The following PCDHGA4 variants were observed in gnomAD, a reference collection of about 807,000 sequenced individuals.
PCDHGA4 encodes the protein protocadherin gamma subfamily A, 4.
In PCDHGA4, 38 loss-of-function variants were observed where a neutral mutation model predicts 54.6. The ratio of observed to expected loss-of-function variants is 0.70; its 90% CI spans 0.54 to 0.91. The LOEUF is 0.91. Among genes scored for constraint, PCDHGA4 ranks in the 40% least tolerant of loss-of-function variants. The probability of loss-of-function intolerance (pLI) is 0.00; values close to 1 mark genes in which losing one functional copy is unlikely to be tolerated. For missense variants in PCDHGA4, 1,298 were observed against 1,220.9 expected (o/e 1.06, Z -0.94); for synonymous variants, 511 against 512.9 (o/e 1.00, Z 0.05).
At chr5:141,404,465 G>C in intron 1 of PCDHGA4, 1 of 1,613,516 alleles carries the variant, frequency 6.2e-7, no homozygotes, top group Non-Finnish European at 8.5e-7. Flanking sequence ...CTCCACCTAT[G>C]TCTCTATTAA....
At chr5:141,385,566 C>T in intron 1 of PCDHGA4, 1 of 1,303,468 alleles carries the variant, frequency 7.7e-7, no homozygotes, top group Non-Finnish European at 9.7e-7. Context: ...TAATTTCCAC[C>T]TACTTTCCAA....
At chr5:141,403,803 T>C (rs1323082699) in intron 1 of PCDHGA4, 5 of 1,613,668 alleles carry the variant, frequency 3.1e-6, no homozygotes. Context: ...TTCTGGAAAA[T>C]TAATGAAAAA....
chr5:141,415,121 C>T (rs2095831464), intron 1 of PCDHGA4: 1 of 1,613,522 alleles, frequency 6.2e-7, no homozygotes, highest in South Asian at 1.1e-5. Context: ...CTCGTAGTGG[C>T]CGTCCAGGAC....
At chr5:141,414,622 C>T in intron 1 of PCDHGA4, 1 of 1,613,956 alleles carries the variant, frequency 6.2e-7, no homozygotes. Context: ...AGCGCTGGAC[C>T]CGGACAGCAA....
chr5:141,428,861 T>G (rs1435613271), intron 1 of PCDHGA4: 1 of 73,058 alleles, frequency 1.4e-5, no homozygotes, highest in Non-Finnish European at 2.5e-5. Flanking sequence ...TACGGGAGAC[T>G]TTTTTTTTTT....
intron 1 of PCDHGA4, chr5:141,398,616 C>T (rs922729367): frequency 6.2e-7 from 1 of 1,614,020 alleles, no homozygotes; most frequent in Non-Finnish European, 8.5e-7. Flanking sequence ...CAGATATTGG[C>T]TTAAACTCTC....
At chr5:141,362,734 T>C (rs955970127) in intron 1 of PCDHGA4, 2 of 766,658 alleles carry the variant, frequency 2.6e-6, no homozygotes, top group Non-Finnish European at 4.1e-6. Flanking sequence ...TGAGATTTAT[T>C]TACCCATGAT....
At chr5:141,359,367 A>T (rs1214745002) in intron 1 of PCDHGA4, among the ~76,000 whole-genome samples, 1 of 152,144 alleles carries the variant, frequency 6.6e-6, no homozygotes, top group African/African-American at 2.4e-5. Flanking sequence ...GGCCTAGGAA[A>T]GCAGTAGATA....
chr5:141,472,979 T>TAAAA (rs2099307936), intron 1 of PCDHGA4, among the ~76,000 whole-genome samples: 1 of 21,094 alleles, frequency 4.7e-5, no homozygotes, highest in Non-Finnish European at 9.8e-5. Context: ...AGAGTGAAAC[T>TAAAA]CAAAAAAAAA....
At chr5:141,409,883 C>G (rs530193346) in intron 1 of PCDHGA4, 2 of 1,612,988 alleles carry the variant, frequency 1.2e-6, no homozygotes, top group South Asian at 2.2e-5. Context: ...CAACGCACCG[C>G]GGGTGCTGTA....
chr5:141,372,041 C>A (rs779511565), intron 1 of PCDHGA4: 1 of 1,613,374 alleles, frequency 6.2e-7, no homozygotes, highest in Non-Finnish European at 8.5e-7. Flanking sequence ...TGAGCCTGCG[C>A]GTGTTGGTGG....
intron 2 of PCDHGA4, among the ~76,000 whole-genome samples, chr5:141,496,103 C>T (rs779317844): frequency 2.0e-5 from 3 of 152,218 alleles, no homozygotes; most frequent in South Asian, 2.1e-4. Flanking sequence ...ACCAACACCC[C>T]GCTCTCTTCC....
At chr5:141,392,891 C>G in intron 1 of PCDHGA4, 1 of 1,613,594 alleles carries the variant, frequency 6.2e-7, no homozygotes, top group Non-Finnish European at 8.5e-7. Context: ...TGTGGGAAAT[C>G]GGGAGGGGAC....
intron 2 of PCDHGA4, among the ~76,000 whole-genome samples, chr5:141,499,099 C>T (rs1031964059): frequency 1.3e-5 from 2 of 152,156 alleles, no homozygotes; most frequent in Non-Finnish European, 2.9e-5. Context: ...ACATGCTTCT[C>T]CTCCCCACCA....
At chr5:141,464,091 T>G (rs2099075583) in intron 1 of PCDHGA4, among the ~76,000 whole-genome samples, 1 of 151,812 alleles carries the variant, frequency 6.6e-6, no homozygotes, top group African/African-American at 2.4e-5. Flanking sequence ...ATGGTGAAAC[T>G]CCGTCTCTAC....
intron 1 of PCDHGA4, among the ~76,000 whole-genome samples, chr5:141,373,570 G>C (rs1011552232): frequency 1.3e-5 from 2 of 152,200 alleles, no homozygotes; most frequent in Non-Finnish European, 1.5e-5. Context: ...AATGGGACTA[G>C]CATAAATGGT....
intron 1 of PCDHGA4, chr5:141,394,899 G>A: frequency 6.2e-7 from 1 of 1,613,804 alleles, no homozygotes; most frequent in Admixed American, 1.7e-5. Context: ...TCTCGTGGTG[G>A]CAGTGGCTGC....
In PCDHGA4 at chr5:141,431,280, C is replaced by T. The variant is rs2097357763; in HGVS notation, c.2515-63527C>T. The T allele has an allele frequency of 1.9e-6, 3 of 1,614,146 alleles. No homozygotes were observed. Among genetic ancestry groups the T allele is most frequent in the South Asian group, 1.1e-5 (1 of 91,088 alleles). ...TCTCTGCAGAGCTACGAGCTCAGCC[C>T]GAACACTCACTTCTCCCTCATCGTG... On this transcript the variant is annotated intron_variant, in intron 1 of 3. Transcript: ENST00000571252. This position sits in a 1 kb window ranked among gnomAD's most constrained non-coding sequence, Gnocchi z 4.8.
intron 1 of PCDHGA4, chr5:141,395,264 A>T: frequency 1.3e-6 from 2 of 1,549,832 alleles, no homozygotes; most frequent in Non-Finnish European, 1.7e-6. Flanking sequence ...GCTTGCTTTT[A>T]ATTTCCAGAT....
Sources: allele counts gnomAD v4.1 joint callset (sites outside exome capture counted in the v4.1 genomes callset), GRCh38; gene constraint gnomAD v4.1.1; non-coding constraint Gnocchi (gnomAD v3.1); transcripts MANE v1.5; gene names NCBI Gene and HGNC (gene_info 2026-07-23, HGNC 2026-07-21).